The following EYS variants were observed in gnomAD, a reference collection of about 807,000 sequenced individuals.
The protein encoded by EYS is EGF-like photoreceptor maintenance factor, also known as protein eyes shut homolog.
EYS carries 250 observed loss-of-function variants against 282.1 expected under a neutral mutation model. The observed-to-expected ratio is 0.89, with a 90% CI of 0.80 to 0.98. EYS has a LOEUF of 0.98. Ranked by LOEUF, EYS falls within the 50% of genes least tolerant of loss-of-function variation. The pLI is 0.00. For missense variants in EYS, 4,016 were observed against 3,709.0 expected, an observed-to-expected ratio of 1.08 and a Z score of -2.15; for synonymous variants, 1,355 against 1,282.9, an observed-to-expected ratio of 1.06 and a Z score of -1.20.
At chr6:65,257,594 T>C (rs958409964) in intron 12 of EYS, among the ~76,000 whole-genome samples, 3 of 151,212 alleles carry the variant, frequency 2.0e-5, no homozygotes, top group Non-Finnish European at 4.4e-5. Flanking sequence ...TAAGCGGCGT[T>C]ATTTCTGAGG....
intron 31 of EYS, among the ~76,000 whole-genome samples, chr6:64,202,852 A>G (rs895665801): frequency 6.6e-6 from 1 of 152,206 alleles, no homozygotes; most frequent in Non-Finnish European, 1.5e-5. Context: ...TGCTTTGGAG[A>G]CACCAATAGC....
intron 33 of EYS, among the ~76,000 whole-genome samples, chr6:64,039,142 T>G (rs557724324): frequency 6.6e-6 from 1 of 152,318 alleles, no homozygotes; most frequent in African/African-American, 2.4e-5. Flanking sequence ...TTCTACCTAA[T>G]TTTCAAATAC....
chr6:63,951,587 G>C (rs187693270), intron 35 of EYS, among the ~76,000 whole-genome samples: 2 of 152,084 alleles, frequency 1.3e-5, no homozygotes, highest in East Asian at 3.9e-4. Context: ...CTCCCCACCA[G>C]GCTGAATCAG....
chr6:63,816,815 T>C (rs992483283), intron 36 of EYS, among the ~76,000 whole-genome samples: 1 of 152,206 alleles, frequency 6.6e-6, no homozygotes, highest in African/African-American at 2.4e-5. Context: ...ACCCAATAAA[T>C]GTTTCCCACA....
At chr6:65,062,962 A>G (rs1170321270) in intron 12 of EYS, among the ~76,000 whole-genome samples, 1 of 152,028 alleles carries the variant, frequency 6.6e-6, no homozygotes. Flanking sequence ...AATAGCAAGT[A>G]CCTTCTTTTC....
intron 26 of EYS, among the ~76,000 whole-genome samples, chr6:64,447,628 G>A (rs149265165): frequency 6.6e-6 from 1 of 152,066 alleles, no homozygotes; most frequent in South Asian, 2.1e-4. Context: ...ATCATAAAAT[G>A]CCAAAAAAAG....
intron 26 of EYS, among the ~76,000 whole-genome samples, chr6:64,442,708 A>T (rs1420540256): frequency 6.6e-6 from 1 of 152,198 alleles, no homozygotes; most frequent in Non-Finnish European, 1.5e-5. Flanking sequence ...CCATTGCTTC[A>T]GAGGGTGGAA....
At chr6:65,491,471 C>T (rs9363379) in intron 4 of EYS, 62,816 of 335,642 alleles carry the variant, frequency 0.19, 6,784 homozygotes, top group East Asian at 0.26. Flanking sequence ...TAATTAAGCT[C>T]TTAATTTAAT....
chr6:65,629,262 G>A, intron 2 of EYS, among the ~76,000 whole-genome samples: 1 of 152,160 alleles, frequency 6.6e-6, no homozygotes, highest in East Asian at 1.9e-4. Flanking sequence ...ATAACCAGAA[G>A]TTATGACACA....
At chr6:64,687,402 C>A (rs1177673807) in intron 22 of EYS, among the ~76,000 whole-genome samples, 1 of 151,974 alleles carries the variant, frequency 6.6e-6, no homozygotes, top group African/African-American at 2.4e-5. Context: ...GCATCAATAC[C>A]TAATTCATTG....
chr6:65,399,867 G>C (rs1054875757), intron 7 of EYS, among the ~76,000 whole-genome samples: 9 of 151,904 alleles, frequency 5.9e-5, no homozygotes, highest in Admixed American at 6.6e-5. Context: ...CTCTATATCT[G>C]TTTTGGCTTT....
intron 26 of EYS, among the ~76,000 whole-genome samples, chr6:64,531,549 G>GTTTATTTTATTTTATTTTATTTTAT (rs201525645): frequency 0.036 from 4,498 of 124,100 alleles, 122 homozygotes; most frequent in East Asian, 0.064. Context: ...ACCACGCCTG[G>GTTTATTTTATTTTATTTTATTTTAT]TTTATTTTAT....
chr6:64,225,705 G>C (rs189612798), intron 31 of EYS, among the ~76,000 whole-genome samples: 135 of 152,244 alleles, frequency 8.9e-4, no homozygotes, highest in Non-Finnish European at 1.7e-3. Context: ...ATAAGTATGA[G>C]AATAGGGAGC....
At chr6:65,081,511 T>C (rs978510613) in intron 12 of EYS, among the ~76,000 whole-genome samples, 5 of 152,100 alleles carry the variant, frequency 3.3e-5, no homozygotes, top group Non-Finnish European at 7.4e-5. Context: ...AACTTCTCAA[T>C]ATTATTTAAA....
chr6:65,692,024 G>A (rs1769261788), intron 1 of EYS, among the ~76,000 whole-genome samples: 1 of 150,074 alleles, frequency 6.7e-6, no homozygotes, highest in Non-Finnish European at 1.5e-5. Flanking sequence ...ATACACTTAA[G>A]AGTCCATCAG....
chr6:64,873,615 T>C (rs941738136), intron 19 of EYS, among the ~76,000 whole-genome samples: 3 of 152,078 alleles, frequency 2.0e-5, no homozygotes, highest in African/African-American at 7.2e-5. Flanking sequence ...TAGTGACTTA[T>C]CACATTTTAT....
intron 22 of EYS, among the ~76,000 whole-genome samples, chr6:64,703,402 C>CAT (rs1202723296): frequency 9.7e-5 from 3 of 30,918 alleles, no homozygotes; most frequent in African/African-American, 2.7e-4. Context: ...CACACACACA[C>CAT]ACACACACAT....
At chr6:64,693,235 C>A (rs575652428) in intron 22 of EYS, among the ~76,000 whole-genome samples, 12 of 151,454 alleles carry the variant, frequency 7.9e-5, no homozygotes, top group Non-Finnish European at 1.6e-4. Flanking sequence ...CATTTTAATT[C>A]TTCCCAATTG....
At chr6:64,811,145 C>T (rs1469860079) in intron 22 of EYS, among the ~76,000 whole-genome samples, 26 of 152,008 alleles carry the variant, frequency 1.7e-4, no homozygotes, top group Non-Finnish European at 2.9e-5. Flanking sequence ...AGTAAACTAT[C>T]TAAGGACTGT....
Sources: allele counts gnomAD v4.1 joint callset (sites outside exome capture counted in the v4.1 genomes callset), GRCh38; gene constraint gnomAD v4.1.1; transcripts MANE v1.5; gene names NCBI Gene and HGNC (gene_info 2026-07-23, HGNC 2026-07-21).